TNKS1BP1: variants seen among roughly 807,000 people sequenced by gnomAD.
TNKS1BP1 encodes 182 kDa tankyrase-1-binding protein.
A neutral mutation model predicts 141.1 loss-of-function variants in TNKS1BP1; 48 were observed. The ratio of observed to expected loss-of-function variants is 0.34; its 90% CI spans 0.27 to 0.43. TNKS1BP1 has a LOEUF of 0.43. Ranked by LOEUF, TNKS1BP1 falls within the 20% of genes least tolerant of loss-of-function variation. TNKS1BP1 has a pLI of 1.00. For synonymous variants in TNKS1BP1, 875 were observed against 898.2 expected, an observed-to-expected ratio of 0.97 and a Z score of 0.46; for missense variants, 2,149 against 2,226.0, an observed-to-expected ratio of 0.97 and a Z score of 0.70.
chr11:57,324,064 G>A (rs1445747031), intron 1 of TNKS1BP1, among the ~76,000 whole-genome samples: 1 of 152,224 alleles, frequency 6.6e-6, no homozygotes, highest in African/African-American at 2.4e-5. Context: ...AGAGACCAGG[G>A]GGTAGAGGGT....
At position 57,324,873 on chromosome 11, in the gene TNKS1BP1, G is replaced by GGGCCCCGATGCCA; in HGVS notation, c.-112_-100dup. 1 of 989,512 alleles carries GGGCCCCGATGCCA rather than the reference G, an allele frequency of 1.0e-6. No homozygotes were observed. Among genetic ancestry groups the GGGCCCCGATGCCA allele is most frequent in the Non-Finnish European group, 1.2e-6 (1 of 833,368 alleles). 61.3% of individuals were successfully genotyped at this position (989,512 alleles called of 1,614,324 possible). A position where few individuals can be genotyped will look rare whatever the true frequency, so the allele number is the denominator to read the frequency against. On this transcript the variant is annotated 5_prime_UTR_variant, in exon 1 of 12. Transcript: ENST00000358252. ...CCGGGGTCCGGCTCCGCTCGGCTCG[G>GGGCCCCGATGCCA]GGCCCCGATGCCAGTCCCCGCCGCC... is the stretch of plus-strand genomic sequence containing the variant.
At chr11:57,307,265 C>A (rs1855627715) in intron 6 of TNKS1BP1, among the ~76,000 whole-genome samples, 1 of 152,114 alleles carries the variant, frequency 6.6e-6, no homozygotes, top group Non-Finnish European at 1.5e-5. Context: ...AGCCCAGCAA[C>A]CTGCCCAGGA....
In TNKS1BP1 at chr11:57,302,744, C is replaced by T. The variant is rs1855547010; in HGVS notation, c.4398G>A (p.Lys1466=). 1 of 1,582,584 alleles carries T rather than the reference C, an allele frequency of 6.3e-7. No homozygotes were observed. Residue 1466 remains lysine (K), a synonymous_variant, in exon 7 of 12, where the codon AAG becomes AAA. Transcript: ENST00000358252. The surrounding 1 kb of genome is among the most constrained non-coding windows in gnomAD (Gnocchi z 5.5). ...LEEMLAASSS[K]AVARRESAAS... ...CCGCTGACTCCCTCCGAGCCACCGC[C>T]TTGGAGCTGCTGGCTGCCAGCATCT...
intron 10 of TNKS1BP1, 28 bp downstream of exon 10, chr11:57,300,856 G>A (rs1407524716): frequency 6.2e-7 from 1 of 1,606,646 alleles, no homozygotes; most frequent in Non-Finnish European, 8.5e-7. Flanking sequence ...AGTGAGGTCA[G>A]CGGATGCCCA....
chr11:57,322,421 C>CCTCT (rs1379838289), intron 1 of TNKS1BP1: 1 of 578,892 alleles, frequency 1.7e-6, no homozygotes, highest in Non-Finnish European at 2.2e-6. Context: ...ACCCTCCTTC[C>CCTCT]CTCTCTCCCT....
intron 1 of TNKS1BP1, 71 bp downstream of exon 1, chr11:57,324,769 C>T: frequency 1.0e-6 from 1 of 983,884 alleles, no homozygotes; most frequent in Non-Finnish European, 1.2e-6. Flanking sequence ...GCACCCACTC[C>T]TTCCATGCCC....
rs878907511 is a variant in TNKS1BP1 at position 57,313,642 on chromosome 11, C to T, written c.1046G>A (p.Arg349His). The T allele has an allele frequency of 9.0e-6, 14 of 1,560,000 alleles. No homozygotes were observed. Among genetic ancestry groups the T allele is most frequent in the South Asian group, 1.2e-5 (1 of 84,740 alleles). The change falls in exon 5 of 12, where the codon CGC becomes CAC. Residue 349 changes from arginine (R) to histidine (H), a missense_variant. Coordinates refer to ENST00000358252, the MANE Select transcript of TNKS1BP1 (RefSeq NM_033396.3). ...AGGGAGCCCCGGGCTGGGGGTGTGG[C>T]GGGAGCCCTCGTCAGGCAGGGCTGC... ...PSAALPDEGS[R>H]HTPSPGLPAE...
At chr11:57,313,997 G>A (rs1174803985) in intron 4 of TNKS1BP1, 108 bp from the exon 5 acceptor site, 2 of 1,279,432 alleles carry the variant, frequency 1.6e-6, no homozygotes, top group South Asian at 2.1e-5. Context: ...AGGCTGGGAG[G>A]AGGCAACTGG....
chr11:57,309,584 T>C lies in TNKS1BP1; in HGVS notation c.3127A>G (p.Arg1043Gly), dbSNP rs747737139. 6 of 1,613,602 alleles carry C rather than the reference T, an allele frequency of 3.7e-6. No homozygotes were observed. The South Asian group carries it at 6.6e-5, about 18-fold the overall frequency. ...CTGTTTTGCCAGCTGCTCTGGTCTCTCTGCCCGAGTGCCCCATCCGGCACG... is the reference window on the plus strand; with the variant it reads ...CTGTTTTGCCAGCTGCTCTGGTCTCCCTGCCCGAGTGCCCCATCCGGCACG... ...AHVPDGALGQ[R>G]DQSSWQNSDA... The change falls in exon 6 of 12, where the codon AGA (arginine) becomes GGA (glycine). Residue 1043 changes from arginine (R) to glycine (G), a missense_variant. Coordinates refer to ENST00000358252, the MANE Select transcript of TNKS1BP1 (RefSeq NM_033396.3). This position sits in a 1 kb window ranked among gnomAD's most constrained non-coding sequence, Gnocchi z 4.3.
At position 57,306,914 on chromosome 11, in the gene TNKS1BP1, G is replaced by GT. The variant is rs1855621406; in HGVS notation, c.4316+1480dup. Among the ~76,000 whole-genome samples the GT allele has an allele frequency of 8.1e-5, 7 of 86,634 alleles. 1 individual carries two copies. Among genetic ancestry groups the GT allele is most frequent in the Admixed American group, 7.9e-4 (7 of 8,844 alleles). 56.8% of individuals were successfully genotyped at this position (86,634 alleles called of 152,430 possible). On this transcript the variant is annotated intron_variant, in intron 6 of 11. Coordinates refer to ENST00000358252, the MANE Select transcript of TNKS1BP1 (RefSeq NM_033396.3). ...GAGAGCTGTGGTGGTGGGGGGGGGG[G>GT]TTGGGTGGGAGGGGGGCAGTGGTCC...
intron 5 of TNKS1BP1, 117 bp downstream of exon 5, chr11:57,312,417 T>A: frequency 8.3e-7 from 1 of 1,199,010 alleles, no homozygotes; most frequent in Non-Finnish European, 1.1e-6. Flanking sequence ...CACAGCTGCC[T>A]TGCTCACTAC....
chr11:57,309,272 GACCACC>G lies in TNKS1BP1; in HGVS notation c.3433_3438del (p.Gly1145_Gly1146del). Reference sequence around the variant, plus strand: ...GTGGTCTTCCCAGGAGGCACAAAGTGACCACCTTCCATCTTGCTAGAAGGGCTAAAG... The same window carrying G: ...GTGGTCTTCCCAGGAGGCACAAAGTGTTCCATCTTGCTAGAAGGGCTAAAG... On this transcript the variant is annotated inframe_deletion, in exon 6 of 12. Transcript: ENST00000358252. This position sits in a 1 kb window ranked among gnomAD's most constrained non-coding sequence, Gnocchi z 4.3. The G allele has an allele frequency of 6.2e-7, 1 of 1,614,120 alleles. No individual in the cohort carries two copies. The highest frequency in any genetic ancestry group is 8.5e-7 in the Non-Finnish European group (1 of 1,180,028).
chr11:57,304,736 G>A (rs1855580791), intron 6 of TNKS1BP1, among the ~76,000 whole-genome samples: 1 of 151,890 alleles, frequency 6.6e-6, no homozygotes, highest in South Asian at 2.1e-4. Context: ...CAGGCATGGT[G>A]GCAGGCACCT....
chr11:57,324,696 C>T, intron 1 of TNKS1BP1, 144 bp downstream of exon 1: 1 of 844,540 alleles, frequency 1.2e-6, no homozygotes, highest in Non-Finnish European at 1.4e-6. Context: ...GCCCTCGGCC[C>T]CTGCAAACTT....
chr11:57,300,526 A>G lies in TNKS1BP1; in HGVS notation c.*12+2T>C. The G allele has an allele frequency of 6.2e-7, 1 of 1,614,172 alleles. No homozygotes were observed. The highest frequency in any genetic ancestry group is 1.1e-5 in the South Asian group (1 of 91,080). Reference sequence around the variant, plus strand: ...GATCCAAGCCCAGGAACCTGTCCTCACCTCAGTGACTTCTCAGACCTTCTT... The same window carrying G: ...GATCCAAGCCCAGGAACCTGTCCTCGCCTCAGTGACTTCTCAGACCTTCTT... On this transcript the variant is annotated splice_donor_variant, in intron 11 of 11. Transcript: ENST00000358252. LOFTEE classifies it low-confidence loss of function (3UTR_SPLICE).
In TNKS1BP1 at chr11:57,313,660, A is replaced by G. The variant is rs1198737118; in HGVS notation, c.1028T>C (p.Leu343Pro). 2 of 1,562,362 alleles carry G rather than the reference A, an allele frequency of 1.3e-6. No individual in the cohort carries two copies. The highest frequency in any genetic ancestry group is 1.7e-6 in the Non-Finnish European group (2 of 1,153,286). Reference protein sequence around the residue: ...AVTPSAPSAALPDEGSRHTPS... With the variant: ...AVTPSAPSAAPPDEGSRHTPS... The stretch of plus-strand genomic sequence containing the variant: ...GGTGTGGCGGGAGCCCTCGTCAGGC[A>G]GGGCTGCACTTGGAGCTGATGGAGT... The change falls in exon 5 of 12, where the codon CTG becomes CCG. Residue 343 changes from leucine to proline, a missense_variant. Coordinates refer to ENST00000358252, the MANE Select transcript of TNKS1BP1 (RefSeq NM_033396.3).
chr11:57,305,716 A>G (rs1029601843), intron 6 of TNKS1BP1, among the ~76,000 whole-genome samples: 13 of 152,222 alleles, frequency 8.5e-5, no homozygotes, highest in African/African-American at 2.7e-4. Context: ...GGTGCAAGTC[A>G]CACTGCCTCT....
chr11:57,308,826 G>A lies in TNKS1BP1; in HGVS notation c.3885C>T (p.Val1295=), dbSNP rs774071684. Residue 1295 remains valine, a synonymous_variant, in exon 6 of 12, where the codon GTC becomes GTT. Coordinates refer to ENST00000358252, the MANE Select transcript of TNKS1BP1 (RefSeq NM_033396.3). ...GCTCTTTGGACTCTCCAGGACTGCA[G>A]ACTGCCCCTGGGGCCATGTTTCTCA... ...LGLRNMAPGA[V]CSPGESKELG... 1.2e-6 allele frequency: 2 copies of A among 1,614,114 alleles called. No individual in the cohort carries two copies. The highest frequency in any genetic ancestry group is 2.2e-5 in the East Asian group (1 of 44,872).
intron 5 of TNKS1BP1, chr11:57,311,497 C>T (rs1420241473): frequency 1.0e-6 from 1 of 984,216 alleles, no homozygotes; most frequent in Non-Finnish European, 1.2e-6. Context: ...TGGCCCTGCT[C>T]CCTCCGGAGC....
Sources: allele counts gnomAD v4.1 joint callset (sites outside exome capture counted in the v4.1 genomes callset), GRCh38; gene constraint gnomAD v4.1.1; non-coding constraint Gnocchi (gnomAD v3.1); transcripts MANE v1.5; gene names NCBI Gene and HGNC (gene_info 2026-07-23, HGNC 2026-07-21).